The following XKR4 variants were observed in gnomAD, a reference collection of about 807,000 sequenced individuals.
The protein encoded by XKR4 is XK related 4, also known as XK-related protein 4.
XKR4 carries 12 observed loss-of-function variants against 53.9 expected under a neutral mutation model. That is an observed-to-expected ratio of 0.22 (90% confidence interval 0.14 to 0.36). The LOEUF is 0.36. XKR4 is among the 10% of genes least tolerant of loss of function. The probability of loss-of-function intolerance (pLI) is 1.00; values close to 1 mark genes in which losing one functional copy is unlikely to be tolerated. For synonymous variants in XKR4, 354 were observed against 362.4 expected, an observed-to-expected ratio of 0.98 and a Z score of 0.26; for missense variants, 799 against 859.5, an observed-to-expected ratio of 0.93 and a Z score of 0.88.
intron 1 of XKR4, among the ~76,000 whole-genome samples, chr8:55,289,603 AAGAAAGAAAG>A (rs1231308796): frequency 8.9e-6 from 1 of 111,848 alleles, no homozygotes; most frequent in Non-Finnish European, 1.8e-5. Flanking sequence ...GAAAGAAAGA[AAGAAAGAAAG>A]AAAGAAAGAA....
At position 55,301,771 on chromosome 8, in the gene XKR4, T is replaced by C. The variant is rs918983473; in HGVS notation, c.807-55907T>C. ...GTGATGATGAACATTTTTTCATGTG[T>C]CTTTTGGCTGCATAAATGTCTTCTT... is the stretch of plus-strand genomic sequence containing the variant. On this transcript the variant is annotated intron_variant, in intron 1 of 2. Coordinates refer to ENST00000327381, the MANE Select transcript of XKR4 (RefSeq NM_052898.2). 5.3e-5 allele frequency among the ~76,000 whole-genome samples: 8 copies of C among 152,352 alleles called. 1 individual carries two copies. The South Asian group carries it at 1.4e-3, about 28-fold the overall frequency.
intron 2 of XKR4, among the ~76,000 whole-genome samples, chr8:55,412,927 G>C (rs1804796320): frequency 6.6e-6 from 1 of 152,190 alleles, no homozygotes; most frequent in African/African-American, 2.4e-5. Flanking sequence ...GTCCAATATG[G>C]CTTTGATGAG....
At chr8:55,236,801 C>T (rs576951145) in intron 1 of XKR4, among the ~76,000 whole-genome samples, 110 of 152,276 alleles carry the variant, frequency 7.2e-4, no homozygotes, top group African/African-American at 2.6e-3. Context: ...AGCCAGGCCA[C>T]GTTTTCATGC....
rs550377910 is a variant in XKR4, at chr8:55,387,374, T to C, written c.1006+29497T>C. Among the ~76,000 whole-genome samples the C allele has an allele frequency of 5.9e-5, 9 of 152,242 alleles. No individual in the cohort carries two copies. The South Asian group carries it at 6.2e-4, about 11-fold the overall frequency. On this transcript the variant is annotated intron_variant, in intron 2 of 2. Transcript: ENST00000327381. ...CCAAGATCTACATTGGTTTTGACAGTGCCCTTAGGCATGAACTTCCACATT... is the reference window on the plus strand; with the variant it reads ...CCAAGATCTACATTGGTTTTGACAGCGCCCTTAGGCATGAACTTCCACATT...
chr8:55,145,157 C>T (rs1048566982), intron 1 of XKR4, among the ~76,000 whole-genome samples: 4 of 152,020 alleles, frequency 2.6e-5, no homozygotes, highest in Non-Finnish European at 5.9e-5. Flanking sequence ...TTATTCTCCC[C>T]AACATGTACT....
At chr8:55,457,354 G>A (rs772366467) in intron 2 of XKR4, among the ~76,000 whole-genome samples, 55 of 152,266 alleles carry the variant, frequency 3.6e-4, no homozygotes, top group Admixed American at 8.5e-4. Flanking sequence ...ATGTTAGGCA[G>A]GATGGTCTCA....
chr8:55,155,074 A>G (rs1816886321), intron 1 of XKR4, among the ~76,000 whole-genome samples: 1 of 152,202 alleles, frequency 6.6e-6, no homozygotes, highest in Non-Finnish European at 1.5e-5. Context: ...CTTTCTGCAG[A>G]CCAGAAGTTG....
chr8:55,477,558 A>G (rs1397439369), intron 2 of XKR4, among the ~76,000 whole-genome samples: 2 of 152,190 alleles, frequency 1.3e-5, no homozygotes, highest in African/African-American at 4.8e-5. Context: ...TGGACGGAGA[A>G]TGACTTTGAC....
intron 1 of XKR4, among the ~76,000 whole-genome samples, chr8:55,253,983 G>A (rs1458174169): frequency 1.3e-5 from 2 of 151,822 alleles, no homozygotes; most frequent in African/African-American, 2.4e-5. Flanking sequence ...GCCCCCCAAA[G>A]TGCTGGAATT....
intron 2 of XKR4, among the ~76,000 whole-genome samples, chr8:55,420,574 G>C: frequency 7.2e-6 from 1 of 138,482 alleles, no homozygotes; most frequent in African/African-American, 2.8e-5. Flanking sequence ...TCATAGGTCG[G>C]AATTGAACAA....
In XKR4 at chr8:55,102,085, C is replaced by A. The variant is rs182984456; in HGVS notation, c.-404C>A. The stretch of plus-strand genomic sequence containing the variant: ...AGGAAGCGGGAGGAGGGAGCGCGCG[C>A]GAGGGGAGGAGAGGAATGTGCAGGT... On this transcript the variant is annotated 5_prime_UTR_variant, in exon 1 of 3. Transcript: ENST00000327381. The surrounding 1 kb of genome is among the most constrained non-coding windows in gnomAD (Gnocchi z 5.1). 6.6e-6 allele frequency among the ~76,000 whole-genome samples: 1 copy of A among 151,194 alleles called. No individual in the cohort carries two copies. The highest frequency in any genetic ancestry group is 2.4e-5 in the African/African-American group (1 of 41,158).
At position 55,461,919 on chromosome 8, in the gene XKR4, A is replaced by G. The variant is rs534290302; in HGVS notation, c.1007-61362A>G. On this transcript the variant is annotated intron_variant, in intron 2 of 2. Coordinates refer to ENST00000327381, the MANE Select transcript of XKR4 (RefSeq NM_052898.2). ...TGATATGAAGCATGAAGAGAAGTTT[A>G]GAGAAAAAAGAATACAAAGAAACAA... 3.9e-5 allele frequency among the ~76,000 whole-genome samples: 6 copies of G among 152,358 alleles called. No individual in the cohort carries two copies. In the South Asian group the frequency reaches 8.3e-4, roughly 21 times the overall value.
chr8:55,160,756 A>G (rs895986282), intron 1 of XKR4, among the ~76,000 whole-genome samples: 4 of 152,180 alleles, frequency 2.6e-5, no homozygotes, highest in Admixed American at 6.5e-5. Context: ...GCTCAACCTA[A>G]TGTTTGTACT....
At chr8:55,322,993 T>A (rs1803238804) in intron 1 of XKR4, among the ~76,000 whole-genome samples, 1 of 152,224 alleles carries the variant, frequency 6.6e-6, no homozygotes, top group South Asian at 2.1e-4. Context: ...AAGAAATATT[T>A]CAACGTTTTG....
intron 2 of XKR4, among the ~76,000 whole-genome samples, chr8:55,446,596 A>T (rs995775077): frequency 6.6e-6 from 1 of 152,000 alleles, no homozygotes; most frequent in Non-Finnish European, 1.5e-5. Flanking sequence ...AGATCTGCCC[A>T]CCTCGGCCTC....
In XKR4 at chr8:55,532,736, G is replaced by A. The variant is rs540263784; in HGVS notation, c.*8509G>A. ...GGCATGAACCCAGGAGGCAGAGCTT[G>A]CAGTGAGCCAAGATCGTGCCACTGC... is the stretch of plus-strand genomic sequence containing the variant. On this transcript the variant is annotated 3_prime_UTR_variant, in exon 3 of 3. Coordinates refer to ENST00000327381, the MANE Select transcript of XKR4 (RefSeq NM_052898.2). 7.2e-6 allele frequency: 1 copy of A among 138,296 alleles called. No homozygotes were observed. Among genetic ancestry groups the A allele is most frequent in the African/African-American group, 2.8e-5 (1 of 36,050 alleles). 8.6% of individuals were successfully genotyped at this position (138,296 alleles called of 1,614,324 possible).
chr8:55,242,395 T>A (rs934943104), intron 1 of XKR4, among the ~76,000 whole-genome samples: 1 of 152,132 alleles, frequency 6.6e-6, no homozygotes, highest in Non-Finnish European at 1.5e-5. Context: ...TTTATCATCT[T>A]CCTGAGTCTC....
chr8:55,530,363 G>A lies in XKR4; in HGVS notation c.*6136G>A, dbSNP rs1416539668. ...ACCACTAGCTTGAACAATCATATAA[G>A]TCTAGGAACCTTATTTTAGTGTTAG... On this transcript the variant is annotated 3_prime_UTR_variant, in exon 3 of 3. Transcript: ENST00000327381. 6.6e-6 allele frequency: 1 copy of A among 152,126 alleles called. No homozygotes were observed. Among genetic ancestry groups the A allele is most frequent in the African/African-American group, 2.4e-5 (1 of 41,424 alleles). 9.4% of individuals were successfully genotyped at this position (152,126 alleles called of 1,614,324 possible). A position where few individuals can be genotyped will look rare whatever the true frequency, so the allele number is the denominator to read the frequency against.
At chr8:55,200,983 G>T (rs931704560) in intron 1 of XKR4, among the ~76,000 whole-genome samples, 2 of 152,084 alleles carry the variant, frequency 1.3e-5, no homozygotes, top group African/African-American at 4.8e-5. Flanking sequence ...AATAATGTAG[G>T]TACTACTTAT....
Sources: allele counts gnomAD v4.1 joint callset (sites outside exome capture counted in the v4.1 genomes callset), GRCh38; gene constraint gnomAD v4.1.1; non-coding constraint Gnocchi (gnomAD v3.1); transcripts MANE v1.5; gene names NCBI Gene and HGNC (gene_info 2026-07-23, HGNC 2026-07-21).